DYNC2I1: variants seen among roughly 807,000 people sequenced by gnomAD.
The protein encoded by DYNC2I1 is cytoplasmic dynein 2 intermediate chain 1.
A neutral mutation model predicts 133.4 loss-of-function variants in DYNC2I1; 89 were observed. The observed-to-expected ratio is 0.67, with a 90% CI of 0.56 to 0.80. The LOEUF is 0.80. DYNC2I1 is among the 30% of genes least tolerant of loss of function. DYNC2I1 has a pLI of 0.00. For missense variants in DYNC2I1, 1,291 were observed against 1,314.5 expected (o/e 0.98, Z 0.28); for synonymous variants, 504 against 484.3 (o/e 1.04, Z -0.54).
At chr7:158,910,402 ACCTGTGGGAGCGCGATTGGCTGTGTCAGG>A (rs199829326) in intron 11 of DYNC2I1, among the ~76,000 whole-genome samples, 34,571 of 132,236 alleles carry the variant, frequency 0.26, 4,567 homozygotes, top group East Asian at 0.53. Flanking sequence ...GCTGTGTCAG[ACCTGTGGGAGCGCGATTGGCTGTGTCAGG>A]CCTGTGGGCC....
intron 6 of DYNC2I1, among the ~76,000 whole-genome samples, chr7:158,885,573 C>G (rs1420945621): frequency 6.6e-6 from 1 of 152,046 alleles, no homozygotes; most frequent in East Asian, 2.0e-4. Flanking sequence ...AACTCCTGGC[C>G]TCAAGTCATC....
chr7:158,942,848 T>A (rs1192046238), intron 24 of DYNC2I1, among the ~76,000 whole-genome samples: 1 of 152,210 alleles, frequency 6.6e-6, no homozygotes, highest in Non-Finnish European at 1.5e-5. Context: ...TCACGTGATG[T>A]CACTGATGGA....
At chr7:158,848,543 G>A in the DYNC2I1 span, among the ~76,000 whole-genome samples, 1 of 152,126 alleles carries the variant, frequency 6.6e-6, no homozygotes. Flanking sequence ...AAGGGTGGTG[G>A]GAATCTTTAG....
chr7:158,920,249 C>T (rs1286657927), intron 15 of DYNC2I1, among the ~76,000 whole-genome samples: 4 of 148,528 alleles, frequency 2.7e-5, no homozygotes, highest in Admixed American at 2.0e-4. Flanking sequence ...TCAGGGAACA[C>T]ATGAAGTGTG....
chr7:158,941,067 C>T lies in DYNC2I1; in HGVS notation c.2779-858C>T, dbSNP rs181465489. Reference sequence around the variant, plus strand: ...TTAGGTTTTGAAAGATAAGCAAAATCGACAAACTTTTAGCTAGAATAACTA... The same window carrying T: ...TTAGGTTTTGAAAGATAAGCAAAATTGACAAACTTTTAGCTAGAATAACTA... On this transcript the variant is annotated intron_variant, in intron 23 of 24. Transcript: ENST00000407559. 1.6e-4 allele frequency among the ~76,000 whole-genome samples: 24 copies of T among 151,854 alleles called. 1 individual carries two copies. Among genetic ancestry groups the T allele is most frequent in the Non-Finnish European group, 2.9e-4 (20 of 67,972 alleles).
chr7:158,841,217 A>ATTTTTTTT, the DYNC2I1 span, among the ~76,000 whole-genome samples: 1 of 69,128 alleles, frequency 1.4e-5, no homozygotes, highest in African/African-American at 5.9e-5. Flanking sequence ...ATATATATAT[A>ATTTTTTTT]TATATTTTAG....
chr7:158,857,650 G>A (rs1207720038), intron 1 of DYNC2I1, among the ~76,000 whole-genome samples: 3 of 149,358 alleles, frequency 2.0e-5, no homozygotes, highest in Non-Finnish European at 4.4e-5. Flanking sequence ...AGATTCTCCT[G>A]CCTCAGTCTC....
the DYNC2I1 span, among the ~76,000 whole-genome samples, chr7:158,842,138 C>G: frequency 6.6e-6 from 1 of 152,224 alleles, no homozygotes; most frequent in Admixed American, 6.5e-5. Context: ...AAGCGATTCT[C>G]CTGCCTCAGC....
intron 1 of DYNC2I1, among the ~76,000 whole-genome samples, chr7:158,864,129 G>GA (rs2129476434): frequency 6.8e-6 from 1 of 146,500 alleles, no homozygotes; most frequent in Admixed American, 6.8e-5. Context: ...GTGGGGGGGG[G>GA]AGCAGACGTT....
rs1479824562 is a variant in DYNC2I1 at position 158,922,460 on chromosome 7, G to A, written c.2005G>A (p.Val669Met). ...TCACGACTTACCCGAGAAGAGCTTT[G>A]TGCCCCTGCTGGACAGCAAATACGT... ...SVHDLPEKSF[V>M]PLLDSKYVLC... The change falls in exon 16 of 25, where the codon GTG becomes ATG. Residue 669 changes from valine (V) to methionine (M), a missense_variant. Transcript: ENST00000407559. 6.2e-7 allele frequency: 1 copy of A among 1,613,982 alleles called. No individual in the cohort carries two copies. The highest frequency in any genetic ancestry group is 1.7e-5 in the Admixed American group (1 of 60,026).
chr7:158,885,632 G>C (rs1027454251), intron 6 of DYNC2I1, among the ~76,000 whole-genome samples: 1 of 152,174 alleles, frequency 6.6e-6, no homozygotes. Context: ...GTGAGCCACT[G>C]TGCCTGGCCT....
intron 10 of DYNC2I1, chr7:158,905,358 C>T (rs1846688493): frequency 7.1e-6 from 2 of 283,260 alleles, no homozygotes; most frequent in Admixed American, 5.0e-5. Context: ...CCCGGCTGGT[C>T]TGGAGCTCCA....
chr7:158,843,177 G>A, the DYNC2I1 span, among the ~76,000 whole-genome samples: 5 of 152,130 alleles, frequency 3.3e-5, no homozygotes, highest in African/African-American at 7.2e-5. Context: ...TTACTGCAGC[G>A]TCCACCTCCC....
At chr7:158,911,312 C>T (rs1847448302) in intron 11 of DYNC2I1, among the ~76,000 whole-genome samples, 1 of 152,194 alleles carries the variant, frequency 6.6e-6, no homozygotes, top group African/African-American at 2.4e-5. Context: ...TCGTGACACA[C>T]ACACGAGGCA....
chr7:158,934,630 G>C (rs1296284178), intron 23 of DYNC2I1, 81 bp downstream of exon 23: 2 of 1,416,982 alleles, frequency 1.4e-6, no homozygotes, highest in Non-Finnish European at 1.9e-6. Flanking sequence ...ACCCAAGCTG[G>C]AGTGCAGTGA....
chr7:158,948,166 A>G (rs1240017729), downstream of DYNC2I1, among the ~76,000 whole-genome samples: 2 of 152,108 alleles, frequency 1.3e-5, no homozygotes, highest in Non-Finnish European at 2.9e-5. Flanking sequence ...TAAAAAACAC[A>G]TTTCACAGCA....
intron 4 of DYNC2I1, among the ~76,000 whole-genome samples, chr7:158,878,265 G>T (rs2129478375): frequency 6.8e-6 from 1 of 147,270 alleles, no homozygotes; most frequent in South Asian, 2.2e-4. Flanking sequence ...GTGCCATGTG[G>T]AGAGGCCAGG....
At chr7:158,900,039 AT>A (rs1231476892) in intron 8 of DYNC2I1, among the ~76,000 whole-genome samples, 1 of 149,640 alleles carries the variant, frequency 6.7e-6, no homozygotes, top group Admixed American at 6.6e-5. Context: ...GCTGCTGAAT[AT>A]TTTTCTCTCA....
intron 5 of DYNC2I1, among the ~76,000 whole-genome samples, chr7:158,881,343 T>C (rs1843993571): frequency 6.6e-6 from 1 of 152,196 alleles, no homozygotes; most frequent in South Asian, 2.1e-4. Context: ...GTCTACGGTG[T>C]GGAAAGCCTG....
Sources: gnomAD v4.1 joint callset for allele counts (sites outside exome capture counted in the v4.1 genomes callset) on GRCh38, gnomAD v4.1.1 for gene constraint, MANE v1.5 for transcripts, NCBI Gene and HGNC (gene_info 2026-07-23, HGNC 2026-07-21) for gene names.